Variants in SH3GL2 observed in about 807,000 individuals in gnomAD.
SH3GL2 encodes endophilin-A1.
In SH3GL2, 24 loss-of-function variants were observed where a neutral mutation model predicts 46.0. The observed-to-expected ratio is 0.52, with a 90% CI of 0.38 to 0.73. SH3GL2 has a LOEUF of 0.73. SH3GL2 is among the 30% of genes least tolerant of loss of function. The pLI is 0.00. For missense variants in SH3GL2, 413 were observed against 424.2 expected (o/e 0.97, Z 0.23); for synonymous variants, 196 against 147.1 (o/e 1.33, Z -2.40).
chr9:17,722,395 T>C (rs1821917207), intron 1 of SH3GL2, among the ~76,000 whole-genome samples: 1 of 152,096 alleles, frequency 6.6e-6, no homozygotes, highest in African/African-American at 2.4e-5. Flanking sequence ...CAAGAGAAAA[T>C]ATTTTCTCCA....
At chr9:17,738,575 T>G (rs868191003) in intron 1 of SH3GL2, among the ~76,000 whole-genome samples, 4,423 of 108,192 alleles carry the variant, frequency 0.041, 224 homozygotes, top group Middle Eastern at 0.092. Context: ...CATATATATA[T>G]AGAGAGAGAG....
intron 1 of SH3GL2, among the ~76,000 whole-genome samples, chr9:17,733,868 G>C: frequency 7.3e-6 from 1 of 137,556 alleles, no homozygotes. Context: ...ACTATCGCAA[G>C]AACAAAAAAA....
chr9:17,666,811 T>C (rs539522403), intron 1 of SH3GL2, among the ~76,000 whole-genome samples: 1 of 152,230 alleles, frequency 6.6e-6, no homozygotes, highest in Admixed American at 6.5e-5. Flanking sequence ...TAAATGTAAG[T>C]ACTTTTGTTA....
intron 2 of SH3GL2, among the ~76,000 whole-genome samples, chr9:17,752,637 A>T (rs757895737): frequency 7.9e-5 from 12 of 152,098 alleles, no homozygotes; most frequent in Non-Finnish European, 1.3e-4. Context: ...AGCTAGGACT[A>T]CCAGCACACA....
At chr9:17,679,044 A>G (rs1465034536) in intron 1 of SH3GL2, among the ~76,000 whole-genome samples, 2 of 152,080 alleles carry the variant, frequency 1.3e-5, no homozygotes, top group Admixed American at 6.6e-5. Flanking sequence ...GCCTTGTAGT[A>G]TAGTTTGAAG....
intron 1 of SH3GL2, among the ~76,000 whole-genome samples, chr9:17,615,756 A>C (rs894355568): frequency 1.3e-5 from 2 of 151,766 alleles, no homozygotes; most frequent in African/African-American, 4.8e-5. Flanking sequence ...CACACTACTT[A>C]ATTACAGAGA....
At chr9:17,777,015 T>A (rs1823659543) in intron 3 of SH3GL2, among the ~76,000 whole-genome samples, 2 of 152,180 alleles carry the variant, frequency 1.3e-5, no homozygotes, top group South Asian at 4.1e-4. Flanking sequence ...AGATGCTCTG[T>A]AAATACCTGT....
chr9:17,619,588 G>C (rs1342117676), intron 1 of SH3GL2, among the ~76,000 whole-genome samples: 1 of 152,060 alleles, frequency 6.6e-6, no homozygotes, highest in Admixed American at 6.5e-5. Context: ...TGAGGCAGGA[G>C]ATTCGTTTGA....
intron 1 of SH3GL2, among the ~76,000 whole-genome samples, chr9:17,613,746 C>G (rs898339691): frequency 6.6e-6 from 1 of 152,188 alleles, no homozygotes; most frequent in Non-Finnish European, 1.5e-5. Context: ...GCAAGATGCT[C>G]TAGCCTGCAG....
intron 1 of SH3GL2, among the ~76,000 whole-genome samples, chr9:17,735,391 A>G (rs1286072041): frequency 6.6e-6 from 1 of 152,146 alleles, no homozygotes; most frequent in African/African-American, 2.4e-5. Flanking sequence ...TATTTATAAA[A>G]TGCTCCCTAT....
chr9:17,708,367 C>G (rs1048940017), intron 1 of SH3GL2, among the ~76,000 whole-genome samples: 2 of 151,896 alleles, frequency 1.3e-5, no homozygotes, highest in Non-Finnish European at 2.9e-5. Flanking sequence ...GATTTTGACT[C>G]TTAGCATTCT....
chr9:17,665,956 A>G (rs1215403661), intron 1 of SH3GL2, among the ~76,000 whole-genome samples: 2 of 150,570 alleles, frequency 1.3e-5, no homozygotes, highest in Non-Finnish European at 3.0e-5. Flanking sequence ...CTAGTACCAC[A>G]GGGTTCATTG....
At chr9:17,693,796 T>G (rs1253619288) in intron 1 of SH3GL2, among the ~76,000 whole-genome samples, 2 of 151,886 alleles carry the variant, frequency 1.3e-5, no homozygotes, top group East Asian at 3.9e-4. Context: ...GGGAGAGGAG[T>G]CTCATTTTGC....
intron 1 of SH3GL2, among the ~76,000 whole-genome samples, chr9:17,664,296 C>A (rs1820292384): frequency 6.6e-6 from 1 of 151,978 alleles, no homozygotes; most frequent in African/African-American, 2.4e-5. Flanking sequence ...TTTCTCATAC[C>A]ACAGATACAA....
At chr9:17,674,797 G>T (rs1336452892) in intron 1 of SH3GL2, among the ~76,000 whole-genome samples, 2 of 152,138 alleles carry the variant, frequency 1.3e-5, no homozygotes, top group Admixed American at 6.5e-5. Flanking sequence ...ACTGGCCAGG[G>T]TTTCTTTCCA....
intron 1 of SH3GL2, among the ~76,000 whole-genome samples, chr9:17,697,153 A>G (rs1238005611): frequency 6.6e-6 from 1 of 152,096 alleles, no homozygotes; most frequent in East Asian, 1.9e-4. Context: ...TTGCTAACAA[A>G]CATATAGTCT....
intron 2 of SH3GL2, among the ~76,000 whole-genome samples, chr9:17,758,298 T>C (rs928161179): frequency 2.6e-5 from 4 of 152,094 alleles, no homozygotes; most frequent in African/African-American, 9.7e-5. Context: ...CAGTGACTCA[T>C]GCCTGTAATC....
intron 1 of SH3GL2, among the ~76,000 whole-genome samples, chr9:17,676,881 T>C (rs1192449714): frequency 6.6e-6 from 1 of 152,190 alleles, no homozygotes; most frequent in Non-Finnish European, 1.5e-5. Flanking sequence ...ATATTATTTT[T>C]CTCTTCTCCA....
chr9:17,681,400 A>G (rs1218113329), intron 1 of SH3GL2, among the ~76,000 whole-genome samples: 2 of 152,142 alleles, frequency 1.3e-5, no homozygotes, highest in African/African-American at 4.8e-5. Context: ...ATCAGCAAAA[A>G]TACAGGCACA....
Sources: gnomAD v4.1 joint callset for allele counts (sites outside exome capture counted in the v4.1 genomes callset) on GRCh38, gnomAD v4.1.1 for gene constraint, MANE v1.5 for transcripts, NCBI Gene and HGNC (gene_info 2026-07-23, HGNC 2026-07-21) for gene names.